PPP1R13B: variants seen among roughly 807,000 people sequenced by gnomAD.
The protein encoded by PPP1R13B is apoptosis-stimulating of p53 protein 1.
A neutral mutation model predicts 119.8 loss-of-function variants in PPP1R13B; 44 were observed. That is an observed-to-expected ratio of 0.37 (90% CI 0.29 to 0.47). The LOEUF is 0.47. Among genes scored for constraint, PPP1R13B ranks in the 20% least tolerant of loss-of-function variants. The pLI is 0.99. For synonymous variants in PPP1R13B, 542 were observed against 561.5 expected (o/e 0.97, Z 0.49); for missense variants, 1,227 against 1,413.5 (o/e 0.87, Z 2.12).
chr14:103,790,259 A>AC (rs2085583719), intron 2 of PPP1R13B, among the ~76,000 whole-genome samples: 1 of 151,312 alleles, frequency 6.6e-6, no homozygotes. Context: ...AAAAAAAAAA[A>AC]AGAAATGAAA....
At chr14:103,745,650 T>C (rs1158461636) in intron 9 of PPP1R13B, among the ~76,000 whole-genome samples, 1 of 152,200 alleles carries the variant, frequency 6.6e-6, no homozygotes, top group African/African-American at 2.4e-5. Context: ...ATGTGTGGAC[T>C]TTGATCAATG....
chr14:103,738,462 C>G lies in PPP1R13B; in HGVS notation c.2864+217G>C, dbSNP rs2084167969. On this transcript the variant is annotated intron_variant, in intron 14 of 16. Transcript: ENST00000202556. This position sits in a 1 kb window ranked among gnomAD's most constrained non-coding sequence, Gnocchi z 5.6. ...TGTTAATGACGAGGCACAGAAAGAG[C>G]ATAACCACAGCCACGTTTTTAACAA... 2 of 654,518 alleles carry G rather than the reference C, an allele frequency of 3.1e-6. No individual in the cohort carries two copies. The highest frequency in any genetic ancestry group is 1.8e-5 in the African/African-American group (1 of 54,892). The allele number at this position is 654,518 out of a possible 1,614,324, so 40.5% of individuals were successfully genotyped here. A position where few individuals can be genotyped will look rare whatever the true frequency, so the allele number is the denominator to read the frequency against.
Position 103,754,435 on chromosome 14 carries a change from G to A in PPP1R13B, c.457-191C>T, listed in dbSNP as rs79974635. On this transcript the variant is annotated intron_variant, in intron 5 of 16. Coordinates refer to ENST00000202556, the MANE Select transcript of PPP1R13B (RefSeq NM_015316.3). ...CACAAAGTAACTGGGCGTGGTGTGC[G>A]CCTGTAGTCCCAGCTACTTGGGAGG... Among the ~76,000 whole-genome samples, 792 of 151,686 alleles carry A rather than the reference G, an allele frequency of 5.2e-3. 6 individuals are homozygous for A. The highest frequency in any genetic ancestry group is 0.018 in the African/African-American group (750 of 41,362).
At chr14:103,795,083 G>A (rs1436675925) in intron 2 of PPP1R13B, among the ~76,000 whole-genome samples, 1 of 152,084 alleles carries the variant, frequency 6.6e-6, no homozygotes, top group Non-Finnish European at 1.5e-5. Context: ...GACTATAGGC[G>A]TGTGCCACCA....
At chr14:103,784,554 G>T (rs1232982335) in intron 3 of PPP1R13B, among the ~76,000 whole-genome samples, 5 of 126,178 alleles carry the variant, frequency 4.0e-5, no homozygotes. Context: ...CTGTACTCCA[G>T]CCTGGGCGAC....
rs546067238 is a variant in PPP1R13B at position 103,793,180 on chromosome 14, A to G, written c.157+4191T>C. 2.0e-5 allele frequency among the ~76,000 whole-genome samples: 3 copies of G among 151,188 alleles called. No individual in the cohort carries two copies. In the South Asian group the frequency reaches 6.3e-4, roughly 32 times the overall value. The stretch of plus-strand genomic sequence containing the variant: ...GAAGGGAAGAGAAGGGAGAGAAGGG[A>G]AGAAAAGGGAAGAGAAGTGAGGAAA... On this transcript the variant is annotated intron_variant, in intron 2 of 16. Transcript: ENST00000202556.
Position 103,776,646 on chromosome 14 carries a change from G to A in PPP1R13B, c.354+2099C>T, listed in dbSNP as rs927908941. Among the ~76,000 whole-genome samples, 3 of 152,168 alleles carry A rather than the reference G, an allele frequency of 2.0e-5. No homozygotes were observed. In the South Asian group the frequency reaches 6.2e-4, roughly 32 times the overall value. On this transcript the variant is annotated intron_variant, in intron 4 of 16. Transcript: ENST00000202556. ...CCAGAACTTTGGGAGGCCAAGGTGG[G>A]CGGATCACAAGGTCAGGAGATTGAG...
intron 1 of PPP1R13B, among the ~76,000 whole-genome samples, chr14:103,821,174 C>T (rs1271755233): frequency 3.3e-5 from 5 of 152,246 alleles, no homozygotes; most frequent in African/African-American, 1.2e-4. Context: ...AGACTAAAAT[C>T]CAGGCTGATT....
At chr14:103,748,066 TACACACACACACAC>T (rs58398068) in intron 8 of PPP1R13B, among the ~76,000 whole-genome samples, 19,666 of 138,176 alleles carry the variant, frequency 0.14, 2,018 homozygotes, top group African/African-American at 0.3. Context: ...TTAAATCACA[TACACACACACACAC>T]ACACACACAC....
intron 4 of PPP1R13B, among the ~76,000 whole-genome samples, chr14:103,775,999 A>C (rs2085177945): frequency 6.6e-6 from 1 of 152,026 alleles, no homozygotes; most frequent in Non-Finnish European, 1.5e-5. Flanking sequence ...TACCTGCAAA[A>C]TCTAAAATAA....
At chr14:103,757,063 T>A (rs2151986100) in intron 5 of PPP1R13B, among the ~76,000 whole-genome samples, 1 of 140,662 alleles carries the variant, frequency 7.1e-6, no homozygotes, top group South Asian at 2.2e-4. Flanking sequence ...CACCCAGCCT[T>A]TTTTTTTTTT....
intron 1 of PPP1R13B, among the ~76,000 whole-genome samples, chr14:103,835,708 A>G (rs953057912): frequency 2.0e-5 from 3 of 151,306 alleles, no homozygotes; most frequent in African/African-American, 7.3e-5. Context: ...TCCTGGGTTC[A>G]TGCCATTCTC....
At chr14:103,815,976 C>T (rs1025862610) in intron 1 of PPP1R13B, among the ~76,000 whole-genome samples, 1 of 151,274 alleles carries the variant, frequency 6.6e-6, no homozygotes, top group South Asian at 2.1e-4. Context: ...CCCAGCTACT[C>T]GGGAGGCTGA....
Position 103,736,163 on chromosome 14 carries a change from G to C in PPP1R13B, c.3071C>G (p.Ala1024Gly). ...EKLGVMNKGVAYALWDYEAQN... is the reference protein window; with the variant it reads ...EKLGVMNKGVGYALWDYEAQN... ...GGCCTCGTAGTCCCACAGAGCATACGCCACACCTTTGTTCATCACACCCAG... is the reference window on the plus strand; with the variant it reads ...GGCCTCGTAGTCCCACAGAGCATACCCCACACCTTTGTTCATCACACCCAG... Residue 1024 changes from alanine to glycine, a missense_variant, in exon 16 of 17, where the codon GCG becomes GGG. Physicochemically the swap from Ala to Gly is moderately conservative, Grantham distance 60. Coordinates refer to ENST00000202556, the MANE Select transcript of PPP1R13B (RefSeq NM_015316.3). 6.2e-7 allele frequency: 1 copy of C among 1,614,122 alleles called. No individual in the cohort carries two copies. Among genetic ancestry groups the C allele is most frequent in the Non-Finnish European group, 8.5e-7 (1 of 1,180,022 alleles).
intron 1 of PPP1R13B, among the ~76,000 whole-genome samples, chr14:103,837,468 A>C (rs2086804324): frequency 6.6e-6 from 1 of 152,086 alleles, no homozygotes; most frequent in South Asian, 2.1e-4. Flanking sequence ...TGGCTGCTGA[A>C]GCAATAAATC....
intron 1 of PPP1R13B, among the ~76,000 whole-genome samples, chr14:103,810,444 A>G (rs2086123608): frequency 6.6e-6 from 1 of 151,912 alleles, no homozygotes; most frequent in Non-Finnish European, 1.5e-5. Context: ...AGAATAAAGA[A>G]CAGTATCAAT....
chr14:103,743,053 G>A (rs2084299485), intron 9 of PPP1R13B, among the ~76,000 whole-genome samples: 1 of 152,144 alleles, frequency 6.6e-6, no homozygotes, highest in South Asian at 2.1e-4. Flanking sequence ...CACTGCCAAC[G>A]CCCAAATCGC....
intron 9 of PPP1R13B, among the ~76,000 whole-genome samples, chr14:103,745,355 A>G (rs2084360480): frequency 6.6e-6 from 1 of 152,266 alleles, no homozygotes; most frequent in African/African-American, 2.4e-5. Flanking sequence ...CTCGAAACAC[A>G]GGCCTGATGG....
At chr14:103,762,209 A>G (rs6575997) in intron 4 of PPP1R13B, among the ~76,000 whole-genome samples, 69,238 of 152,070 alleles carry the variant, frequency 0.46, 16,420 homozygotes, top group African/African-American at 0.59. Flanking sequence ...AAGCTACAGC[A>G]TAAACGATGG....
Sources: gnomAD v4.1 joint callset for allele counts (sites outside exome capture counted in the v4.1 genomes callset) on GRCh38, gnomAD v4.1.1 for gene constraint, Gnocchi (gnomAD v3.1) non-coding constraint, MANE v1.5 for transcripts, NCBI Gene and HGNC (gene_info 2026-07-23, HGNC 2026-07-21) for gene names.